The following L3MBTL3 variants were observed in gnomAD, a reference collection of about 807,000 sequenced individuals.
L3MBTL3 encodes the protein L3MBTL histone methyl-lysine binding protein 3.
L3MBTL3 carries 27 observed loss-of-function variants against 102.3 expected under a neutral mutation model. The observed-to-expected ratio is 0.26, with a 90% CI of 0.19 to 0.36. The LOEUF is 0.36. Ranked by LOEUF, L3MBTL3 falls within the 10% of genes least tolerant of loss-of-function variation. The pLI is 1.00. For missense variants in L3MBTL3, 798 were observed against 955.3 expected, an observed-to-expected ratio of 0.84 and a Z score of 2.17; for synonymous variants, 340 against 320.9, an observed-to-expected ratio of 1.06 and a Z score of -0.64.
chr6:130,047,496 C>T (rs1780801653), intron 3 of L3MBTL3, among the ~76,000 whole-genome samples: 2 of 152,158 alleles, frequency 1.3e-5, no homozygotes, highest in African/African-American at 4.8e-5. Context: ...GGGTGGTTTG[C>T]TGTTTTACAG....
chr6:130,124,031 G>A (rs1202234604), intron 20 of L3MBTL3, among the ~76,000 whole-genome samples: 1 of 152,174 alleles, frequency 6.6e-6, no homozygotes, highest in Non-Finnish European at 1.5e-5. Flanking sequence ...AGCAAAAGAA[G>A]CAGGATTGGG....
chr6:130,111,936 C>T (rs1234803118), intron 19 of L3MBTL3, among the ~76,000 whole-genome samples: 1 of 152,334 alleles, frequency 6.6e-6, no homozygotes, highest in Non-Finnish European at 1.5e-5. Flanking sequence ...CATCTGGCCC[C>T]TGCCTAACTC....
chr6:130,057,457 A>T lies in L3MBTL3; in HGVS notation c.719A>T (p.Glu240Val). ...KAWCWASYLE[E>V]EKAVAVPAKL... ...TGGTGCTGGGCATCCTACCTGGAAG[A>T]GGAGAAAGCGGTGGCAGTGCCGGCG... Residue 240 changes from glutamate to valine, a missense_variant, in exon 9 of 23, where the codon GAG becomes GTG. Around this residue, in one of 4 missense-constraint regions of L3MBTL3, gnomAD observed 434 missense variants for 506.6 expected, o/e 0.86. Transcript: ENST00000361794. The T allele has an allele frequency of 6.2e-7, 1 of 1,611,356 alleles. No homozygotes were observed. The highest frequency in any genetic ancestry group is 8.5e-7 in the Non-Finnish European group (1 of 1,179,270).
intron 19 of L3MBTL3, among the ~76,000 whole-genome samples, chr6:130,119,701 G>A (rs1582614895): frequency 6.6e-6 from 1 of 152,268 alleles, no homozygotes; most frequent in East Asian, 1.9e-4. Context: ...CATGAACTAA[G>A]CCGGGGAGTT....
In L3MBTL3 at chr6:130,051,363, G is replaced by A. The variant is rs1479094883; in HGVS notation, c.404G>A (p.Gly135Glu). 1 of 1,613,956 alleles carries A rather than the reference G, an allele frequency of 6.2e-7. No homozygotes were observed. The highest frequency in any genetic ancestry group is 8.5e-7 in the Non-Finnish European group (1 of 1,179,974). The change falls in exon 6 of 23, where the codon GGA (glycine) becomes GAA (glutamate). Residue 135 changes from glycine to glutamate, a missense_variant. Coordinates refer to ENST00000361794, the MANE Select transcript of L3MBTL3 (RefSeq NM_032438.4). ...QYGNVDECLS[G>E]GNYCSQNCAR... The stretch of plus-strand genomic sequence containing the variant: ...GGCAACGTAGATGAGTGTCTTTCTG[G>A]AGGAAACTATTGCAGCCAGAATTGT...
chr6:130,119,225 G>T (rs1354728668), intron 19 of L3MBTL3, among the ~76,000 whole-genome samples: 1 of 151,928 alleles, frequency 6.6e-6, no homozygotes, highest in Non-Finnish European at 1.5e-5. Flanking sequence ...TTGGAAATTT[G>T]CTTTATTTGG....
intron 7 of L3MBTL3, among the ~76,000 whole-genome samples, chr6:130,054,203 C>A (rs934720303): frequency 6.6e-6 from 1 of 151,946 alleles, no homozygotes; most frequent in Non-Finnish European, 1.5e-5. Context: ...ATGTTTTGTT[C>A]GAGGAAATAA....
chr6:130,044,675 A>G (rs780466219), intron 3 of L3MBTL3, among the ~76,000 whole-genome samples: 1 of 152,144 alleles, frequency 6.6e-6, no homozygotes, highest in Non-Finnish European at 1.5e-5. Context: ...AGACAGTTTG[A>G]TACCTCCCTT....
At chr6:130,020,806 T>A (rs536424253) in intron 1 of L3MBTL3, 2 of 151,324 alleles carry the variant, frequency 1.3e-5, no homozygotes, top group East Asian at 2.0e-4. Context: ...TCGGGCGCTG[T>A]GAGCACGGCC....
In L3MBTL3 at chr6:130,060,092, C is replaced by T. The variant is rs1178576598; in HGVS notation, c.816C>T (p.Gly272=). 5.6e-6 allele frequency: 9 copies of T among 1,613,272 alleles called. 1 individual carries two copies. In the Admixed American group the frequency reaches 6.7e-5, roughly 12 times the overall value. ...TCAAAGTTGGCATGAAATTAGAAGG[C>T]GTGGATCCTGAGCATCAGTCTGTGT... ...NGFKVGMKLE[G]VDPEHQSVYC... Residue 272 remains glycine, a synonymous_variant, in exon 10 of 23, where the codon GGC becomes GGT. Transcript: ENST00000361794.
intron 7 of L3MBTL3, 200 bp from the exon 8 acceptor site, chr6:130,054,971 G>A (rs992107223): frequency 9.6e-6 from 5 of 523,224 alleles, no homozygotes; most frequent in South Asian, 2.0e-5. Context: ...CCGGTAACAC[G>A]TGGATACAGT....
rs562733068 is a variant in L3MBTL3, at chr6:130,107,104, T to C, written c.1886+2529T>C. On this transcript the variant is annotated intron_variant, in intron 19 of 22. Transcript: ENST00000361794. ...GTGAGAAGCAGTGGTAGGACCCAAT[T>C]TGTCCTAGTGTCATGACTTGATACC... is the stretch of plus-strand genomic sequence containing the variant. 1.3e-4 allele frequency among the ~76,000 whole-genome samples: 20 copies of C among 152,276 alleles called. 1 individual carries two copies. Among genetic ancestry groups the C allele is most frequent in the Non-Finnish European group, 5.9e-5 (4 of 68,012 alleles).
At chr6:130,056,458 G>C (rs547074744) in intron 8 of L3MBTL3, among the ~76,000 whole-genome samples, 31 of 152,228 alleles carry the variant, frequency 2.0e-4, no homozygotes, top group African/African-American at 7.2e-4. Flanking sequence ...GACAAACCAG[G>C]GCCATGAACC....
chr6:130,065,857 C>A (rs934974816), intron 10 of L3MBTL3, among the ~76,000 whole-genome samples: 4 of 152,150 alleles, frequency 2.6e-5, no homozygotes, highest in Admixed American at 1.3e-4. Flanking sequence ...AAGTAATAAA[C>A]TAGGAGAGAC....
In L3MBTL3 at chr6:130,070,969, T is replaced by A. The variant is rs1381206372; in HGVS notation, c.1093-7T>A. The A allele has an allele frequency of 6.2e-7, 1 of 1,611,400 alleles. No individual in the cohort carries two copies. The highest frequency in any genetic ancestry group is 2.2e-5 in the East Asian group (1 of 44,802). On this transcript the variant is annotated splice_polypyrimidine_tract_variant and splice_region_variant and intron_variant, in intron 12 of 22. Transcript: ENST00000361794. The stretch of plus-strand genomic sequence containing the variant: ...TTATCTCTAATTAAATCTGTGTGTT[T>A]CCATAGACAGTGATCCCATCGGGCT...
chr6:130,066,425 G>C lies in L3MBTL3; in HGVS notation c.937G>C (p.Ala313Pro). 1 of 1,611,260 alleles carries C rather than the reference G, an allele frequency of 6.2e-7. No homozygotes were observed. The highest frequency in any genetic ancestry group is 8.5e-7 in the Non-Finnish European group (1 of 1,178,062). The stretch of plus-strand genomic sequence containing the variant: ...CTATGACTTCTGGGTGAATGCAGAC[G>C]CTCTGGATATCCACCCAGTTGGGTG... ...DCYDFWVNAD[A>P]LDIHPVGWCE... Residue 313 changes from alanine to proline, a missense_variant, in exon 11 of 23, where the codon GCT (alanine) becomes CCT (proline). Physicochemically the swap from Ala to Pro is conservative, Grantham distance 27. Transcript: ENST00000361794.
At chr6:130,064,674 C>T (rs1782127978) in intron 10 of L3MBTL3, among the ~76,000 whole-genome samples, 1 of 152,100 alleles carries the variant, frequency 6.6e-6, no homozygotes, top group Non-Finnish European at 1.5e-5. Context: ...GGCAGCAACC[C>T]GTCCTGTGTC....
intron 2 of L3MBTL3, among the ~76,000 whole-genome samples, chr6:130,037,604 A>C (rs1780140562): frequency 1.3e-5 from 2 of 152,136 alleles, no homozygotes. Flanking sequence ...TTGAGGCTGC[A>C]GTCTTAATGG....
At position 130,139,869 on chromosome 6, in the gene L3MBTL3, C is replaced by G; in HGVS notation, c.*116C>G. The G allele has an allele frequency of 1.1e-6, 1 of 880,210 alleles. No individual in the cohort carries two copies. The highest frequency in any genetic ancestry group is 1.8e-6 in the Non-Finnish European group (1 of 566,628). The allele number at this position is 880,210 out of a possible 1,614,324, so 54.5% of individuals were successfully genotyped here. ...GTCTCCAAAACTCAAAAGAGCAACA[C>G]TATCGGATTATTTATATTACTCAAG... On this transcript the variant is annotated 3_prime_UTR_variant, in exon 23 of 23. Transcript: ENST00000361794.
Sources: allele counts gnomAD v4.1 joint callset (sites outside exome capture counted in the v4.1 genomes callset), GRCh38; gene constraint gnomAD v4.1.1; regional missense constraint gnomAD v4.1.1; transcripts MANE v1.5; gene names NCBI Gene and HGNC (gene_info 2026-07-23, HGNC 2026-07-21).